ZNF689: variants seen among roughly 807,000 people sequenced by gnomAD.
ZNF689 encodes the protein zinc finger protein 689, also known as short ORF-encoded histone-binding protein.
Under a neutral mutation model 37.2 loss-of-function variants are expected in ZNF689, and 14 were observed. The ratio of observed to expected loss-of-function variants is 0.38; its 90% CI spans 0.25 to 0.59. ZNF689 has a LOEUF of 0.59. Ranked by LOEUF, ZNF689 falls within the 20% of genes least tolerant of loss-of-function variation. ZNF689 has a pLI of 0.68. For missense variants in ZNF689, 573 were observed against 700.2 expected (o/e 0.82, Z 2.05); for synonymous variants, 277 against 283.3 (o/e 0.98, Z 0.22).
At chr16:30,606,553 G>A (rs2052038472) in intron 2 of ZNF689, among the ~76,000 whole-genome samples, 1 of 151,496 alleles carries the variant, frequency 6.6e-6, no homozygotes, top group Non-Finnish European at 1.5e-5. Flanking sequence ...AGGCTGGAGT[G>A]CAATGGTGTG....
At chr16:30,609,690 T>A in intron 1 of ZNF689, 52 bp from the exon 2 acceptor site, 1 of 1,611,152 alleles carries the variant, frequency 6.2e-7, no homozygotes, top group Non-Finnish European at 8.5e-7. Flanking sequence ...CGCCGAGTAG[T>A]ATCTCCCCGA....
At chr16:30,608,381 C>T (rs928857839) in intron 2 of ZNF689, 8 of 152,132 alleles carry the variant, frequency 5.3e-5, no homozygotes, top group African/African-American at 1.9e-4. Flanking sequence ...CAGGATCAAG[C>T]AATTCTCCCT....
chr16:30,610,497 GT>G, upstream of ZNF689: 1 of 175,696 alleles, frequency 5.7e-6, no homozygotes, highest in South Asian at 1.2e-4. Flanking sequence ...AAGGCGGTCC[GT>G]TTGAACGAAG....
chr16:30,604,444 C>T lies in ZNF689; in HGVS notation c.1323G>A (p.Trp441Ter). 6.2e-7 allele frequency: 1 copy of T among 1,612,466 alleles called. No homozygotes were observed. The highest frequency in any genetic ancestry group is 8.5e-7 in the Non-Finnish European group (1 of 1,179,426). The change falls in exon 3 of 3, where the codon TGG becomes TGA. Residue 441 changes from tryptophan (W) to a stop codon, truncating the protein, a stop_gained. Coordinates refer to ENST00000287461, the MANE Select transcript of ZNF689 (RefSeq NM_138447.3). LOFTEE classifies it high-confidence loss of function. The surrounding 1 kb of genome is among the most constrained non-coding windows in gnomAD (Gnocchi z 5.2). ...GCAGCTGGTGCTGGGCCAGGTGGCT[C>T]CACTGAGCAAAACGCTTGGAGCAAA... The part of the protein sequence containing the change: ...CDLCSKRFAQ[W>*]SHLAQHQLLH...
Position 30,610,356 on chromosome 16 carries a change from G to C in ZNF689, c.-315C>G, listed in dbSNP as rs1338932986. 2.6e-6 allele frequency: 1 copy of C among 380,220 alleles called. No homozygotes were observed. Among genetic ancestry groups the C allele is most frequent in the African/African-American group, 2.1e-5 (1 of 47,270 alleles). The allele number at this position is 380,220 out of a possible 1,614,324, so 23.6% of individuals were successfully genotyped here. ...TTTTATTGACCGGAGCGCCATGCCGGCTTCCTAACCTCTTTGCCCTCAAGT... is the reference window on the plus strand; with the variant it reads ...TTTTATTGACCGGAGCGCCATGCCGCCTTCCTAACCTCTTTGCCCTCAAGT... On this transcript the variant is annotated 5_prime_UTR_variant, in exon 1 of 3. Transcript: ENST00000287461.
chr16:30,604,210 C>G lies in ZNF689; in HGVS notation c.*54G>C, dbSNP rs755177525. ...CCTGTATGACCTGGGGCTCCTCCTT[C>G]CCTTTTCTGGGACCCTCCATAAAAT... On this transcript the variant is annotated 3_prime_UTR_variant, in exon 3 of 3. Transcript: ENST00000287461. The surrounding 1 kb of genome is among the most constrained non-coding windows in gnomAD (Gnocchi z 5.2). The G allele has an allele frequency of 2.9e-5, 47 of 1,595,794 alleles. No homozygotes were observed. The highest frequency in any genetic ancestry group is 1.7e-4 in the Middle Eastern group (1 of 6,048).
intron 2 of ZNF689, among the ~76,000 whole-genome samples, chr16:30,606,499 CTTT>C (rs908964093): frequency 6.8e-6 from 1 of 147,024 alleles, no homozygotes; most frequent in African/African-American, 2.5e-5. Context: ...CCCCACCTTT[CTTT>C]TTTTTTTTCT....
At chr16:30,606,258 G>A (rs1187379310) in intron 2 of ZNF689, among the ~76,000 whole-genome samples, 1 of 151,994 alleles carries the variant, frequency 6.6e-6, no homozygotes, top group Non-Finnish European at 1.5e-5. Flanking sequence ...AACCATGATG[G>A]CACCACTGTA....
In ZNF689 at chr16:30,604,138, A is replaced by G. The variant is rs1213551979; in HGVS notation, c.*126T>C. On this transcript the variant is annotated 3_prime_UTR_variant, in exon 3 of 3. Coordinates refer to ENST00000287461, the MANE Select transcript of ZNF689 (RefSeq NM_138447.3). This position sits in a 1 kb window ranked among gnomAD's most constrained non-coding sequence, Gnocchi z 5.2. ...GCAGCCAGCGCATTGCAAGATACAA[A>G]GTTCAGCTCTGTGCAGCAGGAGACC... The G allele has an allele frequency of 4.8e-6, 5 of 1,036,818 alleles. No homozygotes were observed. The highest frequency in any genetic ancestry group is 7.4e-6 in the Non-Finnish European group (5 of 678,172). 64.2% of individuals were successfully genotyped at this position (1,036,818 alleles called of 1,614,324 possible).
Position 30,605,951 on chromosome 16 carries a change from CAAAA to C in ZNF689, c.320-508_320-505del, listed in dbSNP as rs1213916674. On this transcript the variant is annotated intron_variant, in intron 2 of 2. Transcript: ENST00000287461. The surrounding 1 kb of genome is among the most constrained non-coding windows in gnomAD (Gnocchi z 5.1). Reference sequence around the variant, plus strand: ...TGGGCGAGAGAGCGAGATTCCATCTCAAAAAAAAAAAAAAAAGGAATATTTTTGA... The same window carrying C: ...TGGGCGAGAGAGCGAGATTCCATCTCAAAAAAAAAAAAGGAATATTTTTGA... Among the ~76,000 whole-genome samples, 9 of 66,074 alleles carry C rather than the reference CAAAA, an allele frequency of 1.4e-4. No individual in the cohort carries two copies. The highest frequency in any genetic ancestry group is 3.6e-4 in the Admixed American group (2 of 5,616). The allele number at this position is 66,074 out of a possible 152,430, so 43.3% of individuals were successfully genotyped here.
At position 30,609,617 on chromosome 16, in the gene ZNF689, GCTGGT is replaced by G; in HGVS notation, c.222_226del (p.Lys74AsnfsTer12). ...GTTTCGTTCCAACCAGGAGATGAGG[GCTGGT>G]TTGGGACCTGCGCACCCTGGGGAAA... On this transcript the variant is annotated frameshift_variant, in exon 2 of 3. Coordinates refer to ENST00000287461, the MANE Select transcript of ZNF689 (RefSeq NM_138447.3). LOFTEE classifies it high-confidence loss of function. 6.2e-7 allele frequency: 1 copy of G among 1,614,006 alleles called. No homozygotes were observed. Among genetic ancestry groups the G allele is most frequent in the Non-Finnish European group, 8.5e-7 (1 of 1,179,998 alleles).
At chr16:30,608,057 C>T (rs2151245788) in intron 2 of ZNF689, among the ~76,000 whole-genome samples, 1 of 152,330 alleles carries the variant, frequency 6.6e-6, no homozygotes, top group East Asian at 1.9e-4. Flanking sequence ...CAATGGTTCT[C>T]AAACTCCACT....
rs763867042 is a variant in ZNF689 at position 30,604,321 on chromosome 16, TGGGGCCTTG to T, written c.1437_1445del (p.Lys480_Pro482del). On this transcript the variant is annotated inframe_deletion, in exon 3 of 3. Transcript: ENST00000287461. The surrounding 1 kb of genome is among the most constrained non-coding windows in gnomAD (Gnocchi z 5.2). ...CGATAGCAGATCTAGGGCTACAGTT[TGGGGCCTTG>T]GGGCTACACTTGTGGACAGCCAGAG... is the stretch of plus-strand genomic sequence containing the variant. 1 of 1,613,978 alleles carries T rather than the reference TGGGGCCTTG, an allele frequency of 6.2e-7. No individual in the cohort carries two copies. Among genetic ancestry groups the T allele is most frequent in the South Asian group, 1.1e-5 (1 of 91,080 alleles).
chr16:30,609,689 G>GT (rs2052074996), intron 1 of ZNF689, 51 bp from the exon 2 acceptor site: 1 of 1,611,184 alleles, frequency 6.2e-7, no homozygotes, highest in Non-Finnish European at 8.5e-7. Flanking sequence ...ACGCCGAGTA[G>GT]TATCTCCCCG....
rs1465296423 is a variant in ZNF689, at chr16:30,604,203, C to G, written c.*61G>C. ...ACTCTGCCCTGTATGACCTGGGGCTCCTCCTTCCCTTTTCTGGGACCCTCC... is the reference window on the plus strand; with the variant it reads ...ACTCTGCCCTGTATGACCTGGGGCTGCTCCTTCCCTTTTCTGGGACCCTCC... On this transcript the variant is annotated 3_prime_UTR_variant, in exon 3 of 3. Transcript: ENST00000287461. This position sits in a 1 kb window ranked among gnomAD's most constrained non-coding sequence, Gnocchi z 5.2. The G allele has an allele frequency of 1.3e-6, 2 of 1,580,288 alleles. No homozygotes were observed. The highest frequency in any genetic ancestry group is 1.7e-6 in the Non-Finnish European group (2 of 1,153,052).
rs1314482308 is a variant in ZNF689, at chr16:30,604,116, G to T, written c.*148C>A. 1.1e-6 allele frequency: 1 copy of T among 870,282 alleles called. No homozygotes were observed. Among genetic ancestry groups the T allele is most frequent in the East Asian group, 2.6e-5 (1 of 37,884 alleles). The allele number at this position is 870,282 out of a possible 1,614,324, so 53.9% of individuals were successfully genotyped here. On this transcript the variant is annotated 3_prime_UTR_variant, in exon 3 of 3. Transcript: ENST00000287461. This position sits in a 1 kb window ranked among gnomAD's most constrained non-coding sequence, Gnocchi z 5.2. ...TGTTCCAGACACGCACAGGGAGGCA[G>T]CCAGCGCATTGCAAGATACAAAGTT...
Position 30,603,805 on chromosome 16 carries a change from C to A in ZNF689, c.*459G>T. The A allele has an allele frequency of 3.2e-6, 1 of 310,790 alleles. No homozygotes were observed. The highest frequency in any genetic ancestry group is 2.9e-5 in the South Asian group (1 of 34,886). 19.3% of individuals were successfully genotyped at this position (310,790 alleles called of 1,614,324 possible). ...CTCCCTGTCAAGAGAGATTTTCAAG[C>A]AATGGGTAGAAGACCACTTGGCAGG... On this transcript the variant is annotated 3_prime_UTR_variant, in exon 3 of 3. Coordinates refer to ENST00000287461, the MANE Select transcript of ZNF689 (RefSeq NM_138447.3).
Position 30,605,053 on chromosome 16 carries a change from ACAGT to A in ZNF689, c.710_713del (p.Asp237ValfsTer39). The A allele has an allele frequency of 6.2e-7, 1 of 1,613,814 alleles. No homozygotes were observed. Among genetic ancestry groups the A allele is most frequent in the Non-Finnish European group, 8.5e-7 (1 of 1,179,812 alleles). On this transcript the variant is annotated frameshift_variant, in exon 3 of 3. Coordinates refer to ENST00000287461, the MANE Select transcript of ZNF689 (RefSeq NM_138447.3). LOFTEE classifies it high-confidence loss of function. This position sits in a 1 kb window ranked among gnomAD's most constrained non-coding sequence, Gnocchi z 5.1. Reference sequence around the variant, plus strand: ...ACCGGCTCCTCCGGAAGCAGCGACCACAGTCAGGGCAGTGATAGGGCTTCTCCCC... The same window carrying A: ...ACCGGCTCCTCCGGAAGCAGCGACCACAGGGCAGTGATAGGGCTTCTCCCC...
At position 30,604,786 on chromosome 16, in the gene ZNF689, G is replaced by A. The variant is rs1257591369; in HGVS notation, c.981C>T (p.Ser327=). 1 of 1,609,722 alleles carries A rather than the reference G, an allele frequency of 6.2e-7. No homozygotes were observed. The highest frequency in any genetic ancestry group is 8.5e-7 in the Non-Finnish European group (1 of 1,178,060). ...GGTGACTGACCAGGCGAGAGGAGGAGGAGAAGCGCCGCTCGCAGTCCGGGC... is the reference window on the plus strand; with the variant it reads ...GGTGACTGACCAGGCGAGAGGAGGAAGAGAAGCGCCGCTCGCAGTCCGGGC... ...YPCPDCERRF[S]SSSRLVSHRR... The change falls in exon 3 of 3, where the codon TCC becomes TCT. Residue 327 remains serine (S), a synonymous_variant. Coordinates refer to ENST00000287461, the MANE Select transcript of ZNF689 (RefSeq NM_138447.3). The surrounding 1 kb of genome is among the most constrained non-coding windows in gnomAD (Gnocchi z 5.2).
Sources: allele counts gnomAD v4.1 joint callset (sites outside exome capture counted in the v4.1 genomes callset), GRCh38; gene constraint gnomAD v4.1.1; non-coding constraint Gnocchi (gnomAD v3.1); transcripts MANE v1.5; gene names NCBI Gene and HGNC (gene_info 2026-07-23, HGNC 2026-07-21).